DLG2: variants seen among roughly 807,000 people sequenced by gnomAD.
DLG2 encodes the protein discs large MAGUK scaffold protein 2, also known as disks large homolog 2.
In DLG2, 45 loss-of-function variants were observed where a neutral mutation model predicts 132.5. That is an observed-to-expected ratio of 0.34 (90% CI 0.27 to 0.44). The LOEUF (loss-of-function observed/expected upper bound fraction) is 0.44. Ranked by LOEUF, DLG2 falls within the 20% of genes least tolerant of loss-of-function variation. DLG2 has a pLI of 1.00. For missense variants in DLG2, 1,045 were observed against 1,196.9 expected (o/e 0.87, Z 1.87); for synonymous variants, 424 against 419.6 (o/e 1.01, Z -0.13).
chr11:84,129,719 C>T (rs908833427), intron 9 of DLG2, among the ~76,000 whole-genome samples: 1 of 151,808 alleles, frequency 6.6e-6, no homozygotes, highest in Admixed American at 6.6e-5. Context: ...ATAATAGTAA[C>T]CTTAACCTAA....
intron 3 of DLG2, among the ~76,000 whole-genome samples, chr11:85,361,479 T>C (rs944618891): frequency 4.6e-5 from 7 of 152,180 alleles, no homozygotes; most frequent in African/African-American, 1.7e-4. Context: ...TTTTGGAGTC[T>C]CCAATGGCTA....
intron 6 of DLG2, among the ~76,000 whole-genome samples, chr11:84,794,519 C>T (rs914557894): frequency 2.6e-5 from 4 of 152,202 alleles, no homozygotes; most frequent in African/African-American, 9.7e-5. Flanking sequence ...ACCTGGGCAT[C>T]CCTGTGCTCT....
chr11:83,973,706 AAAAAT>A (rs1214685669), intron 12 of DLG2, among the ~76,000 whole-genome samples: 1 of 152,004 alleles, frequency 6.6e-6, no homozygotes, highest in Non-Finnish European at 1.5e-5. Flanking sequence ...GAAAACCTAA[AAAAAT>A]AAAATAAAAT....
At chr11:84,108,642 G>A (rs546641615) in intron 9 of DLG2, among the ~76,000 whole-genome samples, 1 of 152,160 alleles carries the variant, frequency 6.6e-6, no homozygotes, top group Non-Finnish European at 1.5e-5. Flanking sequence ...TGAGGCAAGA[G>A]AAGGTAGCAG....
At chr11:85,256,681 T>C (rs2076684830) in intron 4 of DLG2, among the ~76,000 whole-genome samples, 1 of 152,022 alleles carries the variant, frequency 6.6e-6, no homozygotes, top group Non-Finnish European at 1.5e-5. Flanking sequence ...TGAGCTCACA[T>C]GGCGGCCAAA....
At chr11:85,431,095 A>T (rs954849247) in intron 3 of DLG2, among the ~76,000 whole-genome samples, 11 of 152,174 alleles carry the variant, frequency 7.2e-5, no homozygotes, top group Admixed American at 6.5e-4. Flanking sequence ...TCAAGTTTTT[A>T]TGAGAAGATA....
intron 6 of DLG2, among the ~76,000 whole-genome samples, chr11:84,644,421 T>G (rs963614954): frequency 6.6e-6 from 1 of 152,134 alleles, no homozygotes; most frequent in Non-Finnish European, 1.5e-5. Context: ...GATGTCTTAT[T>G]GGAGGCCGGG....
At chr11:85,100,166 G>A (rs559786396) in intron 6 of DLG2, among the ~76,000 whole-genome samples, 30 of 152,070 alleles carry the variant, frequency 2.0e-4, no homozygotes, top group Non-Finnish European at 3.7e-4. Flanking sequence ...ACTATCTGAG[G>A]TAAGTGGAAG....
intron 18 of DLG2, among the ~76,000 whole-genome samples, chr11:83,668,732 T>C (rs936486398): frequency 3.5e-5 from 5 of 144,300 alleles, no homozygotes; most frequent in Non-Finnish European, 7.5e-5. Flanking sequence ...TAAACACATA[T>C]ATATGTGTAT....
At chr11:83,865,592 A>T (rs937537607) in intron 16 of DLG2, among the ~76,000 whole-genome samples, 2 of 151,896 alleles carry the variant, frequency 1.3e-5, no homozygotes, top group Non-Finnish European at 2.9e-5. Flanking sequence ...AAAGGGGCCA[A>T]GGGAGGAACC....
chr11:84,647,508 T>G (rs1410265956), intron 6 of DLG2, among the ~76,000 whole-genome samples: 1 of 152,196 alleles, frequency 6.6e-6, no homozygotes, highest in South Asian at 2.1e-4. Flanking sequence ...AAAATTAAGT[T>G]TGATGATCAA....
intron 9 of DLG2, among the ~76,000 whole-genome samples, chr11:84,127,616 G>C (rs58773272): frequency 1.3e-5 from 2 of 151,872 alleles, no homozygotes; most frequent in Non-Finnish European, 2.9e-5. Context: ...CCTTTTTTCT[G>C]TACAGACAAG....
intron 15 of DLG2, among the ~76,000 whole-genome samples, chr11:83,925,786 G>A (rs1266569104): frequency 5.9e-5 from 9 of 151,990 alleles, no homozygotes; most frequent in African/African-American, 2.2e-4. Flanking sequence ...ATAAATGTAT[G>A]CCATAAATAT....
At chr11:83,730,674 T>A (rs896732115) in intron 18 of DLG2, among the ~76,000 whole-genome samples, 3 of 152,202 alleles carry the variant, frequency 2.0e-5, no homozygotes, top group Non-Finnish European at 4.4e-5. Flanking sequence ...ATCTGCCATT[T>A]ATTTGGCTTC....
At chr11:85,343,278 T>A (rs1488784204) in intron 3 of DLG2, among the ~76,000 whole-genome samples, 1 of 152,194 alleles carries the variant, frequency 6.6e-6, no homozygotes, top group Admixed American at 6.5e-5. Context: ...GGGACAAAAC[T>A]AGTAGCCCTT....
chr11:84,479,439 T>C (rs2154492887), intron 7 of DLG2, among the ~76,000 whole-genome samples: 1 of 152,258 alleles, frequency 6.6e-6, no homozygotes, highest in South Asian at 2.1e-4. Flanking sequence ...AATAAAATCA[T>C]ATTATTTCTA....
intron 7 of DLG2, among the ~76,000 whole-genome samples, chr11:84,251,798 A>G (rs2097380342): frequency 1.3e-5 from 2 of 151,554 alleles, no homozygotes. Context: ...ACACCGCCAC[A>G]CCCAGCTAAC....
At chr11:84,527,069 C>T (rs867518038) in intron 7 of DLG2, among the ~76,000 whole-genome samples, 1 of 152,048 alleles carries the variant, frequency 6.6e-6, no homozygotes, top group Non-Finnish European at 1.5e-5. Flanking sequence ...TGAGCCACCG[C>T]TCCCGGCCCC....
At chr11:85,296,337 T>C (rs958449463) in intron 3 of DLG2, among the ~76,000 whole-genome samples, 1 of 152,066 alleles carries the variant, frequency 6.6e-6, no homozygotes, top group Non-Finnish European at 1.5e-5. Flanking sequence ...TAGAGACACA[T>C]GTTAAGTAGG....
Sources: allele counts gnomAD v4.1 joint callset (sites outside exome capture counted in the v4.1 genomes callset), GRCh38; gene constraint gnomAD v4.1.1; transcripts MANE v1.5; gene names NCBI Gene and HGNC (gene_info 2026-07-23, HGNC 2026-07-21).